CTTNBP2: variants seen among roughly 807,000 people sequenced by gnomAD.
CTTNBP2 encodes the protein cortactin binding protein 2.
In CTTNBP2, 108 loss-of-function variants were observed where a neutral mutation model predicts 156.9. The ratio of observed to expected loss-of-function variants is 0.69; its 90% CI spans 0.59 to 0.81. The LOEUF is 0.81. CTTNBP2 is among the 30% of genes least tolerant of loss of function. The pLI is 0.00. For missense variants in CTTNBP2, 1,924 were observed against 2,035.4 expected (o/e 0.95, Z 1.05); for synonymous variants, 767 against 751.8 (o/e 1.02, Z -0.33).
chr7:117,777,880 G>A, intron 7 of CTTNBP2, 115 bp from the exon 8 acceptor site: 1 of 993,426 alleles, frequency 1.0e-6, no homozygotes, highest in Non-Finnish European at 1.5e-6. Context: ...GCTGGGAAAA[G>A]CAGGCATTCC....
chr7:117,870,284 T>C (rs1160393011), intron 1 of CTTNBP2, among the ~76,000 whole-genome samples: 1 of 152,236 alleles, frequency 6.6e-6, no homozygotes, highest in Non-Finnish European at 1.5e-5. Flanking sequence ...TCTACGTTAT[T>C]TCCTATTTAA....
intron 1 of CTTNBP2, among the ~76,000 whole-genome samples, chr7:117,863,087 A>G (rs909874713): frequency 1.2e-4 from 19 of 152,212 alleles, no homozygotes; most frequent in Admixed American, 1.3e-4. Context: ...GCTTTCAAAC[A>G]GGCATGACCA....
Position 117,791,734 on chromosome 7 carries a change from CTAG to C in CTTNBP2, c.1459_1461del (p.Leu487del). 6.2e-7 allele frequency: 1 copy of C among 1,614,164 alleles called. No individual in the cohort carries two copies. Among genetic ancestry groups the C allele is most frequent in the Non-Finnish European group, 8.5e-7 (1 of 1,180,044 alleles). On this transcript the variant is annotated inframe_deletion, in exon 4 of 23. Coordinates refer to ENST00000160373, the MANE Select transcript of CTTNBP2 (RefSeq NM_033427.3). ...AGTGCTTGGGTCACAGTATTCCGAG[CTAG>C]TTGTTTGGCCACTAGGTTGTCACGA...
chr7:117,817,352 AAAAAAAAAAATATATATAT>A, intron 2 of CTTNBP2, among the ~76,000 whole-genome samples: 1 of 89,796 alleles, frequency 1.1e-5, no homozygotes, highest in South Asian at 3.3e-4. Flanking sequence ...AAAAAAAAAA[AAAAAAAAAAATATATATAT>A]ATATATATAT....
chr7:117,771,152 G>C (rs546860855), intron 8 of CTTNBP2, among the ~76,000 whole-genome samples: 48 of 152,198 alleles, frequency 3.2e-4, no homozygotes, highest in Non-Finnish European at 2.9e-5. Context: ...ACAGAGGAGA[G>C]GTTGAGGGGT....
chr7:117,716,251 G>C (rs1226333889), intron 22 of CTTNBP2, among the ~76,000 whole-genome samples: 1 of 146,430 alleles, frequency 6.8e-6, no homozygotes, highest in Non-Finnish European at 1.5e-5. Context: ...TTTGTGGACA[G>C]TACCTTATTG....
At chr7:117,773,648 A>AACACACACACACACAC (rs71528190) in intron 8 of CTTNBP2, among the ~76,000 whole-genome samples, 131 of 95,128 alleles carry the variant, frequency 1.4e-3, no homozygotes, top group East Asian at 2.3e-3. Context: ...GCTTAGAGTT[A>AACACACACACACACAC]ACACACACAC....
chr7:117,718,113 C>T lies in CTTNBP2; in HGVS notation c.4651G>A (p.Asp1551Asn). 2 of 1,608,738 alleles carry T rather than the reference C, an allele frequency of 1.2e-6. No homozygotes were observed. The highest frequency in any genetic ancestry group is 1.7e-5 in the Admixed American group (1 of 59,942). The change falls in exon 22 of 23, where the codon GAT becomes AAT. Residue 1551 changes from aspartate to asparagine, a missense_variant. Asp to Asn is a conservative substitution (Grantham distance 23, BLOSUM62 1). Transcript: ENST00000160373. Reference protein sequence around the residue: ...KSESDISKIADSRDDLRMFDS... With the variant: ...KSESDISKIANSRDDLRMFDS... ...AACATCCTTAAATCATCCCTGGAAT[C>T]AGCAATCTAGAAAATACAGAATTTG...
Position 117,711,647 on chromosome 7 carries a change from T to C in CTTNBP2, c.4882A>G (p.Lys1628Glu). 1.9e-6 allele frequency: 3 copies of C among 1,614,098 alleles called. No individual in the cohort carries two copies. The highest frequency in any genetic ancestry group is 2.5e-6 in the Non-Finnish European group (3 of 1,179,970). Residue 1628 changes from lysine (K) to glutamate (E), a missense_variant, in exon 23 of 23, where the codon AAA becomes GAA. Physicochemically the swap from Lys to Glu is moderately conservative, Grantham distance 56. Coordinates refer to ENST00000160373, the MANE Select transcript of CTTNBP2 (RefSeq NM_033427.3). ...SKVTQCSQNT[K>E]RSSSSSNTRQ... ...GTATTACTGCTGCTGCTGCTTCTTTTGGTGTTCTGGGAACACTGGGTGACT... is the reference window on the plus strand; with the variant it reads ...GTATTACTGCTGCTGCTGCTTCTTTCGGTGTTCTGGGAACACTGGGTGACT...
At chr7:117,801,177 GA>G (rs1799588097) in intron 3 of CTTNBP2, among the ~76,000 whole-genome samples, 1 of 152,074 alleles carries the variant, frequency 6.6e-6, no homozygotes, top group African/African-American at 2.4e-5. Flanking sequence ...TAATGGGGTT[GA>G]AAAATCATCA....
chr7:117,718,045 ATTAATAGTTGC>A lies in CTTNBP2; in HGVS notation c.4708_4718del (p.Ala1570Ter), dbSNP rs778124772. The A allele has an allele frequency of 2.5e-5, 41 of 1,611,612 alleles. No individual in the cohort carries two copies. In the South Asian group the frequency reaches 3.3e-4, roughly 13 times the overall value. On this transcript the variant is annotated frameshift_variant, in exon 22 of 23. Transcript: ENST00000160373. LOFTEE classifies it high-confidence loss of function. ...TTTGTGACACTGGCATTCTCAGATT[ATTAATAGTTGC>A]TGAAAGTACAGGGTTGTTTCCAGAA...
intron 8 of CTTNBP2, among the ~76,000 whole-genome samples, chr7:117,772,319 CGTAAAAGA>C (rs756625584): frequency 4.9e-4 from 74 of 152,258 alleles, no homozygotes; most frequent in Non-Finnish European, 9.1e-4. Context: ...AAAATTTATT[CGTAAAAGA>C]GTAAATCTAG....
chr7:117,871,872 A>ACACACACACACACACACACACACACC (rs1197727351), intron 1 of CTTNBP2: 1 of 920,996 alleles, frequency 1.1e-6, no homozygotes, highest in African/African-American at 1.9e-5. Context: ...ACACACACAC[A>ACACACACACACACACACACACACACC]CACCCTCTTT....
intron 12 of CTTNBP2, among the ~76,000 whole-genome samples, chr7:117,749,595 T>G (rs139828709): frequency 6.6e-6 from 1 of 152,288 alleles, no homozygotes; most frequent in African/African-American, 2.4e-5. Context: ...AGTCTTCAGA[T>G]GGATGTGGAA....
At chr7:117,762,177 C>G (rs1419262957) in intron 9 of CTTNBP2, among the ~76,000 whole-genome samples, 1 of 152,176 alleles carries the variant, frequency 6.6e-6, no homozygotes, top group African/African-American at 2.4e-5. Flanking sequence ...GTGATCTCAT[C>G]CAGTCCCATG....
chr7:117,758,085 T>A (rs917988124), intron 10 of CTTNBP2, 115 bp from the exon 11 acceptor site: 2 of 721,134 alleles, frequency 2.8e-6, no homozygotes, highest in African/African-American at 1.8e-5. Context: ...GCTTTAATTG[T>A]CAAAGGCATG....
intron 2 of CTTNBP2, among the ~76,000 whole-genome samples, chr7:117,822,806 G>A (rs181725144): frequency 4.6e-4 from 70 of 152,292 alleles, no homozygotes; most frequent in Middle Eastern, 3.4e-3. Context: ...TAACCAGAGT[G>A]TGTTTTCTGC....
chr7:117,807,490 T>C lies in CTTNBP2; in HGVS notation c.414+3275A>G, dbSNP rs140554951. Among the ~76,000 whole-genome samples, 863 of 152,292 alleles carry C rather than the reference T, an allele frequency of 5.7e-3. 11 individuals are homozygous for C. Among genetic ancestry groups the C allele is most frequent in the African/African-American group, 0.02 (836 of 41,564 alleles). On this transcript the variant is annotated intron_variant, in intron 3 of 22. Transcript: ENST00000160373. Reference sequence around the variant, plus strand: ...TTTGTTCTTTTCTGACCCATTTCCATTTCTTCGGTTGTCTAGCACTGGAAA... The same window carrying C: ...TTTGTTCTTTTCTGACCCATTTCCACTTCTTCGGTTGTCTAGCACTGGAAA...
intron 2 of CTTNBP2, among the ~76,000 whole-genome samples, chr7:117,815,872 C>T (rs773286961): frequency 1.4e-4 from 21 of 152,164 alleles, no homozygotes; most frequent in Non-Finnish European, 2.9e-4. Flanking sequence ...CCTATATCTT[C>T]TCCTAAGCAT....
Sources: allele counts gnomAD v4.1 joint callset (sites outside exome capture counted in the v4.1 genomes callset), GRCh38; gene constraint gnomAD v4.1.1; transcripts MANE v1.5; gene names NCBI Gene and HGNC (gene_info 2026-07-23, HGNC 2026-07-21).